Variants in CADM1 observed in about 807,000 individuals in gnomAD.
CADM1 encodes the protein cell adhesion molecule 1.
CADM1 carries 15 observed loss-of-function variants against 53.1 expected under a neutral mutation model. The observed-to-expected ratio is 0.28, with a 90% confidence interval of 0.19 to 0.44. CADM1 has a LOEUF of 0.44. Ranked by LOEUF, CADM1 falls within the 20% of genes least tolerant of loss-of-function variation. The pLI is 1.00. For missense variants in CADM1, 434 were observed against 611.3 expected (o/e 0.71, Z 3.06); for synonymous variants, 281 against 243.0 (o/e 1.16, Z -1.45).
At chr11:115,347,177 G>T (rs1364522518) in intron 1 of CADM1, among the ~76,000 whole-genome samples, 1 of 152,138 alleles carries the variant, frequency 6.6e-6, no homozygotes, top group Non-Finnish European at 1.5e-5. Context: ...AAAGGTCATG[G>T]ATGAACCACA....
intron 10 of CADM1, 31 bp downstream of exon 10, chr11:115,190,857 T>C (rs779567205): frequency 1.0e-5 from 16 of 1,577,060 alleles, no homozygotes; most frequent in Non-Finnish European, 1.3e-5. Context: ...GGTTGGACAC[T>C]GCAGTGCCTT....
At chr11:115,454,694 T>G (rs551366342) in intron 1 of CADM1, among the ~76,000 whole-genome samples, 3 of 152,328 alleles carry the variant, frequency 2.0e-5, no homozygotes, top group African/African-American at 7.2e-5. Context: ...AAGGCCAGGA[T>G]TCTCCCATCC....
chr11:115,354,931 C>G (rs1164320516), intron 1 of CADM1, among the ~76,000 whole-genome samples: 1 of 152,184 alleles, frequency 6.6e-6, no homozygotes, highest in African/African-American at 2.4e-5. Context: ...TTTCCCTAAA[C>G]ATCTCTAATG....
At chr11:115,198,579 G>A in intron 8 of CADM1, 141 bp from the exon 9 acceptor site, 14 of 686,294 alleles carry the variant, frequency 2.0e-5, no homozygotes, top group Admixed American at 1.8e-4. Context: ...AATAATAAAT[G>A]AAAAGCAAAA....
intron 2 of CADM1, among the ~76,000 whole-genome samples, chr11:115,238,916 CCTT>C (rs961528807): frequency 2.0e-5 from 3 of 151,560 alleles, no homozygotes; most frequent in Admixed American, 1.3e-4. Flanking sequence ...AGCTACGCAC[CCTT>C]CTAACTTGGC....
intron 1 of CADM1, among the ~76,000 whole-genome samples, chr11:115,352,272 C>A (rs1197183561): frequency 6.6e-6 from 1 of 152,196 alleles, no homozygotes; most frequent in Non-Finnish European, 1.5e-5. Context: ...AAGTGGAGTA[C>A]TGATCCCTTT....
chr11:115,386,984 A>G (rs1209910051), intron 1 of CADM1, among the ~76,000 whole-genome samples: 1 of 152,212 alleles, frequency 6.6e-6, no homozygotes, highest in African/African-American at 2.4e-5. Flanking sequence ...ACAACAACCA[A>G]GTAGCAACAG....
intron 1 of CADM1, among the ~76,000 whole-genome samples, chr11:115,297,628 G>A (rs1944113254): frequency 1.3e-5 from 2 of 152,124 alleles, no homozygotes; most frequent in African/African-American, 4.8e-5. Flanking sequence ...ACATCTTTCT[G>A]AAATATTTCA....
intron 1 of CADM1, among the ~76,000 whole-genome samples, chr11:115,346,516 G>A (rs1380564508): frequency 2.6e-5 from 4 of 152,114 alleles, no homozygotes; most frequent in Non-Finnish European, 5.9e-5. Context: ...ATACAGGCTT[G>A]AGCCACCACA....
rs114239992 is a variant in CADM1, at chr11:115,366,270, G to A, written c.125-125850C>T. Among the ~76,000 whole-genome samples, 800 of 152,302 alleles carry A rather than the reference G, an allele frequency of 5.3e-3. 9 individuals are homozygous for A. The highest frequency in any genetic ancestry group is 0.018 in the African/African-American group (739 of 41,552). On this transcript the variant is annotated intron_variant, in intron 1 of 11. Coordinates refer to ENST00000331581, the MANE Select transcript of CADM1 (RefSeq NM_001301043.2). ...CTTGCTAAGCAAATTGCCTGTCTCA[G>A]TGCCTCCTTGATAGGAAAAGTCAGG...
chr11:115,232,596 G>A (rs1292938798), intron 3 of CADM1, among the ~76,000 whole-genome samples: 1 of 152,176 alleles, frequency 6.6e-6, no homozygotes, highest in Non-Finnish European at 1.5e-5. Flanking sequence ...CAAAATAACG[G>A]ATTGGGAAGT....
intron 1 of CADM1, among the ~76,000 whole-genome samples, chr11:115,382,522 T>C (rs1946604068): frequency 6.6e-6 from 1 of 152,188 alleles, no homozygotes; most frequent in Admixed American, 6.5e-5. Flanking sequence ...TTTTAACATG[T>C]ATCACATATA....
At chr11:115,285,557 A>T (rs1342687733) in intron 1 of CADM1, among the ~76,000 whole-genome samples, 1 of 152,202 alleles carries the variant, frequency 6.6e-6, no homozygotes, top group Admixed American at 6.5e-5. Flanking sequence ...AAGTTGGTAT[A>T]AGGAAAGAAG....
chr11:115,329,805 G>A (rs1199033217), intron 1 of CADM1, among the ~76,000 whole-genome samples: 5 of 151,892 alleles, frequency 3.3e-5, no homozygotes, highest in African/African-American at 1.2e-4. Context: ...TCAGCAGGAT[G>A]GATAGGGAGC....
chr11:115,186,657 T>C (rs1939568857), intron 10 of CADM1, among the ~76,000 whole-genome samples: 1 of 152,184 alleles, frequency 6.6e-6, no homozygotes, highest in South Asian at 2.1e-4. Flanking sequence ...CCAAGAGCCC[T>C]TCCTTAACAA....
chr11:115,255,146 T>C (rs1942743175), intron 1 of CADM1, among the ~76,000 whole-genome samples: 1 of 152,164 alleles, frequency 6.6e-6, no homozygotes, highest in African/African-American at 2.4e-5. Flanking sequence ...GGCATCAGTG[T>C]TCCCCTTTTA....
intron 1 of CADM1, among the ~76,000 whole-genome samples, chr11:115,498,086 C>A (rs1949660129): frequency 6.6e-6 from 1 of 151,800 alleles, no homozygotes; most frequent in Admixed American, 6.6e-5. Flanking sequence ...ACATTTCTAG[C>A]TGAAGTTAAA....
intron 1 of CADM1, among the ~76,000 whole-genome samples, chr11:115,369,270 A>G (rs778579955): frequency 1.2e-4 from 18 of 152,190 alleles, no homozygotes; most frequent in Non-Finnish European, 2.4e-4. Flanking sequence ...GCACCTTCAT[A>G]TATTTCTTAT....
Position 115,482,513 on chromosome 11 carries a change from A to C in CADM1, c.124+21758T>G, listed in dbSNP as rs561664631. Among the ~76,000 whole-genome samples the C allele has an allele frequency of 1.1e-4, 17 of 152,358 alleles. No homozygotes were observed. The Middle Eastern group carries it at 0.017, about 152-fold the overall frequency. ...GACAAAATTTAGTCACATTAATTTT[A>C]ACTCTTAAACAGTACTTCCTGAAGC... On this transcript the variant is annotated intron_variant, in intron 1 of 11. Transcript: ENST00000331581.
Sources: allele counts gnomAD v4.1 joint callset (sites outside exome capture counted in the v4.1 genomes callset), GRCh38; gene constraint gnomAD v4.1.1; transcripts MANE v1.5; gene names NCBI Gene and HGNC (gene_info 2026-07-23, HGNC 2026-07-21).